The following TMEFF2 variants were observed in gnomAD, a reference collection of about 807,000 sequenced individuals.
TMEFF2 encodes transmembrane protein with EGF like and two follistatin like domains 2.
A neutral mutation model predicts 53.8 loss-of-function variants in TMEFF2; 28 were observed. The observed-to-expected ratio is 0.52, with a 90% CI of 0.39 to 0.71. The LOEUF (loss-of-function observed/expected upper bound fraction) is 0.71. Ranked by LOEUF, TMEFF2 falls within the 30% of genes least tolerant of loss-of-function variation. The probability of loss-of-function intolerance (pLI) is 0.00; values close to 1 mark genes in which losing one functional copy is unlikely to be tolerated. For synonymous variants in TMEFF2, 162 were observed against 166.3 expected (o/e 0.97, Z 0.20); for missense variants, 353 against 455.2 (o/e 0.78, Z 2.04).
intron 4 of TMEFF2, among the ~76,000 whole-genome samples, chr2:192,171,501 C>T (rs1051810980): frequency 1.3e-5 from 2 of 152,052 alleles, no homozygotes; most frequent in African/African-American, 4.8e-5. Flanking sequence ...CAATGGCTCC[C>T]TGCTCACCCA....
intron 4 of TMEFF2, among the ~76,000 whole-genome samples, chr2:192,175,135 C>T (rs1691007153): frequency 6.6e-6 from 1 of 151,468 alleles, no homozygotes; most frequent in Non-Finnish European, 1.5e-5. Flanking sequence ...TCTTTACAGC[C>T]CCAGAAATCT....
intron 4 of TMEFF2, among the ~76,000 whole-genome samples, chr2:192,059,480 A>G (rs953606438): frequency 2.0e-5 from 3 of 152,158 alleles, no homozygotes; most frequent in Non-Finnish European, 4.4e-5. Flanking sequence ...TATTAATGCA[A>G]CACAGAAGCT....
Position 191,956,325 on chromosome 2 carries a change from C to A in TMEFF2, c.799G>T (p.Glu267Ter). 6.2e-7 allele frequency: 1 copy of A among 1,614,012 alleles called. No individual in the cohort carries two copies. The highest frequency in any genetic ancestry group is 8.5e-7 in the Non-Finnish European group (1 of 1,179,946). ...SAREHHIPCPEHYNGFCMHGK... is the reference protein window; with the variant it reads ...SAREHHIPCP The stretch of plus-strand genomic sequence containing the variant: ...TGCATGCAGAAGCCATTGTAATGTT[C>A]CGGACAAGGTATGTGGTGTTCTCTG... Residue 267 changes from glutamate (E) to a stop codon, truncating the protein, a stop_gained, in exon 8 of 10, where the codon GAA (glutamate) becomes TAA (stop). Coordinates refer to ENST00000272771, the MANE Select transcript of TMEFF2 (RefSeq NM_016192.4). LOFTEE classifies it high-confidence loss of function.
At chr2:191,977,480 G>A (rs1685757527) in intron 7 of TMEFF2, among the ~76,000 whole-genome samples, 1 of 152,170 alleles carries the variant, frequency 6.6e-6, no homozygotes, top group Admixed American at 6.5e-5. Flanking sequence ...CATAGTTGAA[G>A]GAGCTCTAGA....
chr2:192,134,059 T>C (rs1559140928), intron 4 of TMEFF2, among the ~76,000 whole-genome samples: 1 of 152,234 alleles, frequency 6.6e-6, no homozygotes, highest in Non-Finnish European at 1.5e-5. Context: ...CATGTCTGCG[T>C]GCAGCGGCTG....
chr2:191,949,077 T>G lies in TMEFF2; in HGVS notation c.*1234A>C, dbSNP rs1242850216. On this transcript the variant is annotated 3_prime_UTR_variant, in exon 10 of 10. Transcript: ENST00000272771. Reference sequence around the variant, plus strand: ...GGAGACAAAGAGAGCTTTATTTAAATTTACTGTGTTAGCCATGGAAAGCTT... The same window carrying G: ...GGAGACAAAGAGAGCTTTATTTAAAGTTACTGTGTTAGCCATGGAAAGCTT... 1 of 985,100 alleles carries G rather than the reference T, an allele frequency of 1.0e-6. No individual in the cohort carries two copies. The allele number at this position is 985,100 out of a possible 1,614,324, so 61.0% of individuals were successfully genotyped here. A position where few individuals can be genotyped will look rare whatever the true frequency, so the allele number is the denominator to read the frequency against.
rs192603435 is a variant in TMEFF2, at chr2:192,065,406, T to G, written c.440-7631A>C. Among the ~76,000 whole-genome samples the G allele has an allele frequency of 2.0e-5, 3 of 151,918 alleles. No individual in the cohort carries two copies. In the East Asian group the frequency reaches 5.8e-4, roughly 29 times the overall value. The stretch of plus-strand genomic sequence containing the variant: ...GCAGGCAGTCCCTGAAACTAACAGG[T>G]TATGTTAACAAAAATAATGAGACTT... On this transcript the variant is annotated intron_variant, in intron 4 of 9. Transcript: ENST00000272771.
At chr2:192,060,803 AT>A (rs972606837) in intron 4 of TMEFF2, among the ~76,000 whole-genome samples, 2 of 152,206 alleles carry the variant, frequency 1.3e-5, no homozygotes, top group African/African-American at 4.8e-5. Context: ...TTAACCATGC[AT>A]TTATATTGTA....
chr2:192,175,496 A>C (rs972921030), intron 4 of TMEFF2, among the ~76,000 whole-genome samples: 5 of 151,664 alleles, frequency 3.3e-5, no homozygotes, highest in Non-Finnish European at 7.4e-5. Flanking sequence ...TTATCATAAC[A>C]ACAATTATCT....
chr2:192,066,726 CAGGA>C (rs369539741), intron 4 of TMEFF2, among the ~76,000 whole-genome samples: 1 of 151,508 alleles, frequency 6.6e-6, no homozygotes, highest in Non-Finnish European at 1.5e-5. Flanking sequence ...TTAATGAAGT[CAGGA>C]AGGAAGAAAA....
rs1480965214 is a variant in TMEFF2, at chr2:191,949,951, C to CTGTACAGATTGTA, written c.*347_*359dup. 2.9e-6 allele frequency: 3 copies of CTGTACAGATTGTA among 1,025,186 alleles called. No homozygotes were observed. The Admixed American group carries it at 1.6e-4, about 54-fold the overall frequency. The allele number at this position is 1,025,186 out of a possible 1,614,324, so 63.5% of individuals were successfully genotyped here. ...GAGAAGAAACATGAAATATTGGTAG[C>CTGTACAGATTGTA]TGTACAGATTGTACTAGTCTGATTA... On this transcript the variant is annotated 3_prime_UTR_variant, in exon 10 of 10. Transcript: ENST00000272771.
chr2:192,158,243 T>C (rs1203099413), intron 4 of TMEFF2, among the ~76,000 whole-genome samples: 1 of 152,146 alleles, frequency 6.6e-6, no homozygotes, highest in Non-Finnish European at 1.5e-5. Flanking sequence ...ATGGTATTAC[T>C]GTTCAGATAT....
At chr2:191,972,108 C>G (rs1692660014) in intron 7 of TMEFF2, among the ~76,000 whole-genome samples, 1 of 151,000 alleles carries the variant, frequency 6.6e-6, no homozygotes, top group Admixed American at 6.6e-5. Flanking sequence ...AAGATCCTTA[C>G]TATACACCAA....
At chr2:192,085,102 T>C (rs1047174477) in intron 4 of TMEFF2, among the ~76,000 whole-genome samples, 21 of 152,148 alleles carry the variant, frequency 1.4e-4, no homozygotes, top group African/African-American at 5.1e-4. Context: ...TCTTCTGAAG[T>C]GCTTGGAGAA....
chr2:192,140,932 A>G (rs561317458), intron 4 of TMEFF2, among the ~76,000 whole-genome samples: 1 of 152,272 alleles, frequency 6.6e-6, no homozygotes, highest in East Asian at 1.9e-4. Context: ...AGTTAATTCA[A>G]TAACTATTTA....
At chr2:192,094,596 GA>G (rs968289505) in intron 4 of TMEFF2, among the ~76,000 whole-genome samples, 3 of 151,472 alleles carry the variant, frequency 2.0e-5, no homozygotes, top group South Asian at 2.1e-4. Flanking sequence ...CCCTCGGAGA[GA>G]AAAAAAACAA....
At chr2:192,058,662 A>C (rs1412911944) in intron 4 of TMEFF2, among the ~76,000 whole-genome samples, 1 of 152,198 alleles carries the variant, frequency 6.6e-6, no homozygotes, top group African/African-American at 2.4e-5. Flanking sequence ...AAAAATATAT[A>C]GTTGAAAGAA....
intron 4 of TMEFF2, among the ~76,000 whole-genome samples, chr2:192,147,674 T>C (rs1464244966): frequency 1.3e-5 from 2 of 152,076 alleles, no homozygotes; most frequent in African/African-American, 4.8e-5. Flanking sequence ...GTGCTACATC[T>C]ACTTGCAATT....
At chr2:192,098,818 C>T (rs766493998) in intron 4 of TMEFF2, among the ~76,000 whole-genome samples, 11 of 152,080 alleles carry the variant, frequency 7.2e-5, no homozygotes, top group Non-Finnish European at 1.5e-4. Flanking sequence ...TGAGTGAATA[C>T]TACAAAATTT....
Sources: allele counts gnomAD v4.1 joint callset (sites outside exome capture counted in the v4.1 genomes callset), GRCh38; gene constraint gnomAD v4.1.1; transcripts MANE v1.5; gene names NCBI Gene and HGNC (gene_info 2026-07-23, HGNC 2026-07-21).